The following GRM5 variants were observed in gnomAD, a reference collection of about 807,000 sequenced individuals.
The protein encoded by GRM5 is metabotropic glutamate receptor 5.
GRM5 carries 19 observed loss-of-function variants against 83.1 expected under a neutral mutation model. That is an observed-to-expected ratio of 0.23 (90% CI 0.16 to 0.34). The LOEUF is 0.34. Ranked by LOEUF, GRM5 falls within the 10% of genes least tolerant of loss-of-function variation. The pLI, the probability that GRM5 is intolerant of heterozygous loss-of-function variation, is 1.00. For missense variants in GRM5, 1,160 were observed against 1,588.3 expected (o/e 0.73, Z 4.58); for synonymous variants, 675 against 633.6 (o/e 1.07, Z -0.98).
intron 7 of GRM5, among the ~76,000 whole-genome samples, chr11:88,582,997 GAAT>G (rs1213226693): frequency 6.6e-6 from 1 of 151,380 alleles, no homozygotes; most frequent in Non-Finnish European, 1.5e-5. Flanking sequence ...TTCAACTGTA[GAAT>G]AATAATCTCA....
rs901038248 is a variant in GRM5 at position 88,567,797 on chromosome 11, T to C, written c.1886A>G (p.Tyr629Cys). The change falls in exon 8 of 10, where the codon TAC becomes TGC. Residue 629 changes from tyrosine (Y) to cysteine (C), a missense_variant. Tyr to Cys is a radical substitution (Grantham distance 194). This residue lies in a region of GRM5 where 132 missense variants were observed against 245.5 expected (regional missense o/e 0.54). Coordinates refer to ENST00000305447, the MANE Select transcript of GRM5 (RefSeq NM_001143831.3). This position sits in a 1 kb window ranked among gnomAD's most constrained non-coding sequence, Gnocchi z 7.3. The stretch of plus-strand genomic sequence containing the variant: ...CGCAATGAGGCAGAAGGTACATAAG[T>C]AGCCCAGGCAGATGCCAGCAAGGAT... ...YIILAGICLG[Y>C]LCTFCLIAKP... The C allele has an allele frequency of 1.9e-6, 3 of 1,614,056 alleles. No homozygotes were observed. Among genetic ancestry groups the C allele is most frequent in the Non-Finnish European group, 2.5e-6 (3 of 1,179,924 alleles).
At chr11:89,054,854 C>T (rs1941840007) in intron 1 of GRM5, among the ~76,000 whole-genome samples, 1 of 152,158 alleles carries the variant, frequency 6.6e-6, no homozygotes, top group African/African-American at 2.4e-5. Context: ...TATACATTGA[C>T]ATTAATAGAG....
intron 2 of GRM5, among the ~76,000 whole-genome samples, chr11:89,029,141 T>C (rs1406060059): frequency 2.0e-5 from 3 of 152,234 alleles, no homozygotes; most frequent in African/African-American, 7.2e-5. Flanking sequence ...TAGTATTCCA[T>C]GGTTTATATG....
intron 7 of GRM5, among the ~76,000 whole-genome samples, chr11:88,569,764 ATCT>A (rs1171950294): frequency 2.6e-5 from 4 of 152,362 alleles, no homozygotes; most frequent in East Asian, 1.9e-4. Context: ...GCATATCCAC[ATCT>A]TCTTTGTTTA....
chr11:88,986,433 G>A (rs1468503244), intron 2 of GRM5, among the ~76,000 whole-genome samples: 5 of 152,092 alleles, frequency 3.3e-5, no homozygotes, highest in African/African-American at 7.2e-5. Context: ...CTGTATTAAT[G>A]TCAATATCCT....
At chr11:89,056,138 CT>C (rs1222730979) in intron 1 of GRM5, among the ~76,000 whole-genome samples, 1 of 152,106 alleles carries the variant, frequency 6.6e-6, no homozygotes, top group Non-Finnish European at 1.5e-5. Flanking sequence ...ATTTTGCTTG[CT>C]TTTGAAAGTA....
At chr11:88,811,903 C>T (rs181026909) in intron 3 of GRM5, among the ~76,000 whole-genome samples, 138 of 152,144 alleles carry the variant, frequency 9.1e-4, no homozygotes, top group African/African-American at 2.8e-3. Context: ...GTGATAACAG[C>T]CAGAAATGAC....
At chr11:88,844,167 A>T (rs1944256745) in intron 3 of GRM5, among the ~76,000 whole-genome samples, 1 of 152,162 alleles carries the variant, frequency 6.6e-6, no homozygotes, top group Admixed American at 6.6e-5. Flanking sequence ...CTCTTCTATG[A>T]GGAGATAATA....
At chr11:88,645,144 A>T (rs2135292463) in intron 4 of GRM5, among the ~76,000 whole-genome samples, 1 of 152,262 alleles carries the variant, frequency 6.6e-6, no homozygotes, top group East Asian at 1.9e-4. Context: ...GAACCCGTTC[A>T]TTTAATCTTC....
intron 3 of GRM5, among the ~76,000 whole-genome samples, chr11:88,748,416 A>G (rs1942188899): frequency 6.6e-6 from 1 of 152,134 alleles, no homozygotes; most frequent in Admixed American, 6.6e-5. Flanking sequence ...CTAGGCAGCC[A>G]ACAGCAGTGG....
At chr11:88,570,571 A>ATATTTTTTT (rs1405339448) in intron 7 of GRM5, among the ~76,000 whole-genome samples, 6 of 46,378 alleles carry the variant, frequency 1.3e-4, no homozygotes, top group African/African-American at 8.0e-4. Flanking sequence ...ATATATATAT[A>ATATTTTTTT]TTTTTTTTTT....
intron 3 of GRM5, among the ~76,000 whole-genome samples, chr11:88,676,645 T>C (rs11020922): frequency 0.019 from 2,859 of 152,198 alleles, 69 homozygotes; most frequent in East Asian, 0.096. Context: ...AGATTTTCAA[T>C]TGTGTTGATA....
At chr11:88,805,776 T>C (rs1039586797) in intron 3 of GRM5, among the ~76,000 whole-genome samples, 2 of 152,214 alleles carry the variant, frequency 1.3e-5, no homozygotes, top group African/African-American at 2.4e-5. Flanking sequence ...TAATGTTTTC[T>C]CAGTAAGGGA....
intron 3 of GRM5, among the ~76,000 whole-genome samples, chr11:88,704,495 C>T (rs892808513): frequency 2.0e-5 from 3 of 151,502 alleles, no homozygotes; most frequent in Admixed American, 6.7e-5. Flanking sequence ...AAAGCCATTT[C>T]TGCCAGAAAA....
intron 7 of GRM5, among the ~76,000 whole-genome samples, chr11:88,572,930 G>A (rs186036565): frequency 1.1e-4 from 16 of 152,242 alleles, no homozygotes; most frequent in Non-Finnish European, 1.9e-4. Context: ...TCTTGATCAT[G>A]TCAGTGAAAT....
chr11:89,037,214 A>G (rs1941411174), intron 2 of GRM5, among the ~76,000 whole-genome samples: 1 of 152,018 alleles, frequency 6.6e-6, no homozygotes, highest in African/African-American at 2.4e-5. Flanking sequence ...TTAAATGTAA[A>G]TGTTTAATGT....
chr11:88,956,394 T>C (rs1204328930), intron 2 of GRM5, among the ~76,000 whole-genome samples: 2 of 152,352 alleles, frequency 1.3e-5, no homozygotes, highest in East Asian at 1.9e-4. Flanking sequence ...GAAATATTTA[T>C]TAAGCATACA....
intron 2 of GRM5, among the ~76,000 whole-genome samples, chr11:89,029,641 C>T (rs183134853): frequency 1.2e-4 from 19 of 152,260 alleles, no homozygotes; most frequent in African/African-American, 4.1e-4. Flanking sequence ...CACCAGAATG[C>T]TGTATACTTG....
chr11:88,673,807 A>C (rs1293228736), intron 3 of GRM5, among the ~76,000 whole-genome samples: 1 of 151,784 alleles, frequency 6.6e-6, no homozygotes, highest in Non-Finnish European at 1.5e-5. Context: ...CCCAGGCTAC[A>C]AGAGAAGCGT....
Sources: allele counts gnomAD v4.1 joint callset (sites outside exome capture counted in the v4.1 genomes callset), GRCh38; gene constraint gnomAD v4.1.1; regional missense constraint gnomAD v4.1.1; non-coding constraint Gnocchi (gnomAD v3.1); transcripts MANE v1.5; gene names NCBI Gene and HGNC (gene_info 2026-07-23, HGNC 2026-07-21).